Variants in FOXP2 observed in about 807,000 individuals in gnomAD.
The protein encoded by FOXP2 is forkhead box P2, also known as forkhead box protein P2.
FOXP2 carries 12 observed loss-of-function variants against 115.8 expected under a neutral mutation model. That is an observed-to-expected ratio of 0.10 (90% CI 0.07 to 0.17). The LOEUF (loss-of-function observed/expected upper bound fraction) is 0.17. FOXP2 is among the 10% of genes least tolerant of loss of function. FOXP2 has a pLI of 1.00. For missense variants in FOXP2, 629 were observed against 843.5 expected, an observed-to-expected ratio of 0.75 and a Z score of 3.15; for synonymous variants, 328 against 297.7, an observed-to-expected ratio of 1.10 and a Z score of -1.05.
intron 1 of FOXP2, among the ~76,000 whole-genome samples, chr7:114,168,221 T>C (rs889727763): frequency 2.0e-5 from 3 of 152,160 alleles, no homozygotes; most frequent in Non-Finnish European, 4.4e-5. Context: ...ATTTTGGAAC[T>C]GGGTAACAGG....
At chr7:114,435,215 A>G (rs1197127974) in intron 2 of FOXP2, among the ~76,000 whole-genome samples, 4 of 152,174 alleles carry the variant, frequency 2.6e-5, no homozygotes, top group African/African-American at 9.6e-5. Flanking sequence ...TCATGCCATG[A>G]TAGAGGTAGA....
chr7:114,112,402 A>T (rs1046850510), intron 1 of FOXP2, among the ~76,000 whole-genome samples: 1 of 152,002 alleles, frequency 6.6e-6, no homozygotes, highest in Admixed American at 6.6e-5. Context: ...GGTTCAAGCA[A>T]TTCTCCAGCC....
At chr7:114,606,936 T>C (rs1427354891) in intron 3 of FOXP2, among the ~76,000 whole-genome samples, 1 of 152,198 alleles carries the variant, frequency 6.6e-6, no homozygotes, top group Non-Finnish European at 1.5e-5. Context: ...ACAAGAAATC[T>C]GAAGTGGAGA....
intron 2 of FOXP2, among the ~76,000 whole-genome samples, chr7:114,468,886 A>G (rs1171588061): frequency 3.9e-5 from 6 of 152,208 alleles, no homozygotes; most frequent in Admixed American, 1.3e-4. Flanking sequence ...TCATTTACTT[A>G]ATGAAAAAAA....
At chr7:114,643,847 G>C (rs1377605267) in intron 7 of FOXP2, among the ~76,000 whole-genome samples, 1 of 152,116 alleles carries the variant, frequency 6.6e-6, no homozygotes, top group Non-Finnish European at 1.5e-5. Flanking sequence ...ATAGTGTTCT[G>C]TTATGCAATA....
intron 1 of FOXP2, among the ~76,000 whole-genome samples, chr7:114,172,353 G>A (rs564560427): frequency 2.6e-5 from 4 of 152,140 alleles, no homozygotes; most frequent in South Asian, 2.1e-4. Context: ...AGTTATGGGC[G>A]AGAGAGAAAT....
chr7:114,504,165 A>C, intron 2 of FOXP2, among the ~76,000 whole-genome samples: 1 of 151,692 alleles, frequency 6.6e-6, no homozygotes, highest in Admixed American at 6.6e-5. Flanking sequence ...AATCTATAAA[A>C]ATCAATTCCA....
chr7:114,675,889 CTTTAT>C (rs1290571700), intron 16 of FOXP2, among the ~76,000 whole-genome samples: 3 of 150,840 alleles, frequency 2.0e-5, no homozygotes, highest in South Asian at 2.1e-4. Flanking sequence ...TACACATTTT[CTTTAT>C]TTTATTTTAT....
intron 2 of FOXP2, among the ~76,000 whole-genome samples, chr7:114,341,074 TA>T (rs758149732): frequency 4.0e-4 from 61 of 151,290 alleles, no homozygotes; most frequent in Non-Finnish European, 8.2e-4. Context: ...CTGGAAAGCA[TA>T]AATTATTACT....
intron 1 of FOXP2, among the ~76,000 whole-genome samples, chr7:114,183,002 A>G (rs1793496886): frequency 6.6e-6 from 1 of 152,168 alleles, no homozygotes; most frequent in South Asian, 2.1e-4. Flanking sequence ...GCTTTTGTAC[A>G]GTTCAAAGAG....
At chr7:114,337,659 T>G (rs2030910) in intron 2 of FOXP2, among the ~76,000 whole-genome samples, 85,886 of 150,758 alleles carry the variant, frequency 0.57, 25,333 homozygotes, top group East Asian at 0.84. Context: ...TCTCAGCAGT[T>G]CCTGATGTCA....
intron 1 of FOXP2, among the ~76,000 whole-genome samples, chr7:114,187,880 G>A (rs1793653913): frequency 6.6e-6 from 1 of 152,096 alleles, no homozygotes; most frequent in Non-Finnish European, 1.5e-5. Context: ...TCATCACATG[G>A]CAGAATGGTT....
At chr7:114,282,600 A>G (rs1796367198) in intron 1 of FOXP2, among the ~76,000 whole-genome samples, 1 of 152,182 alleles carries the variant, frequency 6.6e-6, no homozygotes, top group South Asian at 2.1e-4. Flanking sequence ...TAATACATTC[A>G]TTCAAGAAAT....
rs869055954 is a variant in FOXP2, at chr7:114,642,779, A to AATAT, written c.989+187_989+190dup. The stretch of plus-strand genomic sequence containing the variant: ...AGATTATTTATCTTATTTTATATAT[A>AATAT]ATATATATATATATATATATATATA... On this transcript the variant is annotated intron_variant, in intron 7 of 16. Transcript: ENST00000350908. 8.7e-4 allele frequency among the ~76,000 whole-genome samples: 79 copies of AATAT among 91,162 alleles called. 1 individual carries two copies. The East Asian group carries it at 9.8e-3, about 11-fold the overall frequency. 59.8% of individuals were successfully genotyped at this position (91,162 alleles called of 152,430 possible).
intron 3 of FOXP2, among the ~76,000 whole-genome samples, chr7:114,579,776 C>T (rs1236488683): frequency 6.6e-6 from 1 of 152,184 alleles, no homozygotes; most frequent in Non-Finnish European, 1.5e-5. Flanking sequence ...CCATTCAACA[C>T]ATATTCACTG....
intron 3 of FOXP2, among the ~76,000 whole-genome samples, chr7:114,583,792 A>G (rs1801985851): frequency 1.3e-5 from 2 of 152,136 alleles, no homozygotes. Context: ...TTCCTACATC[A>G]TTTTTACCAA....
At chr7:114,235,974 G>A (rs1375173109) in intron 1 of FOXP2, among the ~76,000 whole-genome samples, 2 of 152,074 alleles carry the variant, frequency 1.3e-5, no homozygotes, top group East Asian at 3.9e-4. Flanking sequence ...CTTTCTTAAT[G>A]GGGCTTCTTA....
intron 2 of FOXP2, among the ~76,000 whole-genome samples, chr7:114,347,941 A>C (rs746064513): frequency 3.3e-5 from 5 of 152,142 alleles, no homozygotes; most frequent in Admixed American, 3.3e-4. Context: ...ATGAAACTCT[A>C]AATGGTAAAA....
intron 2 of FOXP2, among the ~76,000 whole-genome samples, chr7:114,390,894 A>T (rs1792581182): frequency 6.6e-6 from 1 of 152,106 alleles, no homozygotes; most frequent in Admixed American, 6.5e-5. Flanking sequence ...AACATTAAAA[A>T]ATCTGACTTC....
Sources: allele counts gnomAD v4.1 joint callset (sites outside exome capture counted in the v4.1 genomes callset), GRCh38; gene constraint gnomAD v4.1.1; transcripts MANE v1.5; gene names NCBI Gene and HGNC (gene_info 2026-07-23, HGNC 2026-07-21).